Variants in CDHR3 observed in about 807,000 individuals in gnomAD.
CDHR3 encodes cadherin-related family member 3.
In CDHR3, 79 loss-of-function variants were observed where a neutral mutation model predicts 86.6. That is an observed-to-expected ratio of 0.91 (90% CI 0.76 to 1.10). The LOEUF (loss-of-function observed/expected upper bound fraction) is 1.10. CDHR3 is among the 50% of genes least tolerant of loss of function. The pLI is 0.00. For missense variants in CDHR3, 1,081 were observed against 1,077.6 expected, an observed-to-expected ratio of 1.00 and a Z score of -0.04; for synonymous variants, 421 against 402.4, an observed-to-expected ratio of 1.05 and a Z score of -0.55.
chr7:105,998,401 T>C (rs1445574891), intron 6 of CDHR3, among the ~76,000 whole-genome samples: 1 of 152,198 alleles, frequency 6.6e-6, no homozygotes, highest in African/African-American at 2.4e-5. Context: ...TGTCTCCCCA[T>C]TTTACCCCTG....
intron 8 of CDHR3, among the ~76,000 whole-genome samples, chr7:106,005,015 G>T (rs1190999928): frequency 6.6e-6 from 1 of 152,192 alleles, no homozygotes; most frequent in Non-Finnish European, 1.5e-5. Context: ...CCTGGACTGT[G>T]CCTGTTCTTT....
intron 4 of CDHR3, among the ~76,000 whole-genome samples, chr7:105,988,036 G>A (rs1830780473): frequency 6.6e-6 from 1 of 152,026 alleles, no homozygotes; most frequent in South Asian, 2.1e-4. Flanking sequence ...GACTACAGGT[G>A]CCCGCCATCA....
chr7:106,003,989 CA>C (rs55815648), intron 7 of CDHR3, among the ~76,000 whole-genome samples: 24,516 of 81,464 alleles, frequency 0.3, 1,046 homozygotes, highest in Admixed American at 0.34. Flanking sequence ...CCAACCTAAC[CA>C]AAAAAAAAAA....
At chr7:106,011,809 A>C (rs1834851900) in intron 8 of CDHR3, among the ~76,000 whole-genome samples, 1 of 152,118 alleles carries the variant, frequency 6.6e-6, no homozygotes, top group Admixed American at 6.5e-5. Flanking sequence ...GAAGGCTCTG[A>C]GTTTGGGGGT....
At chr7:105,967,510 G>A (rs1330364466) in intron 1 of CDHR3, among the ~76,000 whole-genome samples, 1 of 152,214 alleles carries the variant, frequency 6.6e-6, no homozygotes, top group Non-Finnish European at 1.5e-5. Flanking sequence ...TCTAGTTCTA[G>A]ATCCTTGAGG....
chr7:105,976,540 C>G (rs1828837542), intron 2 of CDHR3, among the ~76,000 whole-genome samples: 1 of 152,174 alleles, frequency 6.6e-6, no homozygotes, highest in African/African-American at 2.4e-5. Context: ...GCAAGCATCA[C>G]CACAATCTAA....
chr7:106,014,623 C>T (rs1187493262), intron 9 of CDHR3, among the ~76,000 whole-genome samples: 1 of 151,942 alleles, frequency 6.6e-6, no homozygotes, highest in African/African-American at 2.4e-5. Context: ...CAAAGGGGAC[C>T]CCTATCTCTA....
chr7:105,979,116 T>C (rs1040539405), intron 2 of CDHR3, among the ~76,000 whole-genome samples: 1 of 152,184 alleles, frequency 6.6e-6, no homozygotes, highest in East Asian at 1.9e-4. Context: ...TTCCCATAGA[T>C]TAGCTCATCG....
intron 1 of CDHR3, among the ~76,000 whole-genome samples, chr7:105,968,612 C>T (rs1292413635): frequency 2.0e-5 from 3 of 152,128 alleles, no homozygotes; most frequent in African/African-American, 4.8e-5. Context: ...CCACCTGGTT[C>T]GGCCTCCCAG....
intron 7 of CDHR3, among the ~76,000 whole-genome samples, chr7:106,002,959 C>A (rs1308410073): frequency 1.3e-5 from 2 of 151,594 alleles, no homozygotes; most frequent in Non-Finnish European, 2.9e-5. Context: ...CGTAGTGAAA[C>A]CCTGTCTCTA....
chr7:106,024,425 A>G lies in CDHR3; in HGVS notation c.2121A>G (p.Pro707=). The G allele has an allele frequency of 1.2e-6, 2 of 1,614,038 alleles. No individual in the cohort carries two copies. The highest frequency in any genetic ancestry group is 8.5e-7 in the Non-Finnish European group (1 of 1,179,894). ...TCCTGAGGAAAAACGTTTACTCTCC[A>G]TCTGCATGGTACGTGCCGTTTGTCA... is the stretch of plus-strand genomic sequence containing the variant. ...YQVLRKNVYS[P]SAWYVPFVIT... The change falls in exon 15 of 19, where the codon CCA becomes CCG. Residue 707 remains proline (P), a synonymous_variant. Transcript: ENST00000317716.
chr7:105,997,863 C>G (rs1163180612), intron 6 of CDHR3, among the ~76,000 whole-genome samples: 4 of 152,092 alleles, frequency 2.6e-5, no homozygotes, highest in Non-Finnish European at 2.9e-5. Context: ...GCCTGGAACT[C>G]TCTGGTTCTC....
chr7:105,966,656 T>C (rs1014452361), intron 1 of CDHR3, among the ~76,000 whole-genome samples: 1 of 152,212 alleles, frequency 6.6e-6, no homozygotes, highest in African/African-American at 2.4e-5. Context: ...ACTTTTTCCG[T>C]CATGTCACTT....
chr7:106,025,009 T>C (rs1172288475), intron 15 of CDHR3, among the ~76,000 whole-genome samples: 2 of 152,228 alleles, frequency 1.3e-5, no homozygotes, highest in Non-Finnish European at 2.9e-5. Context: ...AGCCGGGTTT[T>C]TGTGTGACCA....
intron 6 of CDHR3, among the ~76,000 whole-genome samples, chr7:105,999,750 C>G (rs181155220): frequency 2.4e-4 from 36 of 152,180 alleles, no homozygotes; most frequent in Non-Finnish European, 1.5e-5. Flanking sequence ...AAAGTCTATG[C>G]AGATTAGCTG....
intron 17 of CDHR3, among the ~76,000 whole-genome samples, chr7:106,028,992 C>CTTTCTTTCTTTCTTTCTTTCT (rs1837910004): frequency 7.7e-6 from 1 of 129,624 alleles, no homozygotes; most frequent in Non-Finnish European, 1.7e-5. Context: ...TTCTTTCTTT[C>CTTTCTTTCTTTCTTTCTTTCT]TTTTTAAGAC....
chr7:106,024,347 C>G, intron 14 of CDHR3, 34 bp from the exon 15 acceptor site: 1 of 1,598,388 alleles, frequency 6.3e-7, no homozygotes, highest in Non-Finnish European at 8.6e-7. Context: ...CACTACCACC[C>G]TCTACTCACC....
At position 105,984,085 on chromosome 7, in the gene CDHR3, T is replaced by C. The variant is rs571139896; in HGVS notation, c.416-107T>C. On this transcript the variant is annotated intron_variant, in intron 3 of 18. Transcript: ENST00000317716. The stretch of plus-strand genomic sequence containing the variant: ...TTTTATTGCATTCTTGGTCCCACGA[T>C]GCCAACACCCTTGGTTCCCTTGGTT... The C allele has an allele frequency of 1.3e-5, 7 of 543,326 alleles. No homozygotes were observed. The African/African-American group carries it at 1.3e-4, about 10-fold the overall frequency. 33.7% of individuals were successfully genotyped at this position (543,326 alleles called of 1,614,324 possible). A position where few individuals can be genotyped will look rare whatever the true frequency, so the allele number is the denominator to read the frequency against.
intron 3 of CDHR3, among the ~76,000 whole-genome samples, chr7:105,983,856 G>A (rs1020194216): frequency 4.6e-5 from 7 of 152,208 alleles, no homozygotes; most frequent in Admixed American, 2.0e-4. Flanking sequence ...TCCTCACACC[G>A]GAGGTTCCTA....
Sources: allele counts gnomAD v4.1 joint callset (sites outside exome capture counted in the v4.1 genomes callset), GRCh38; gene constraint gnomAD v4.1.1; transcripts MANE v1.5; gene names NCBI Gene and HGNC (gene_info 2026-07-23, HGNC 2026-07-21).